The following SETD7 variants were observed in gnomAD, a reference collection of about 807,000 sequenced individuals.
The protein encoded by SETD7 is histone-lysine N-methyltransferase SETD7.
In SETD7, 16 loss-of-function variants were observed where a neutral mutation model predicts 41.8. That is an observed-to-expected ratio of 0.38 (90% CI 0.26 to 0.58). SETD7 has a LOEUF of 0.58. Among genes scored for constraint, SETD7 ranks in the 20% least tolerant of loss-of-function variants. The probability of loss-of-function intolerance (pLI) is 0.64; values close to 1 mark genes in which losing one functional copy is unlikely to be tolerated. For missense variants in SETD7, 346 were observed against 459.7 expected, an observed-to-expected ratio of 0.75 and a Z score of 2.26; for synonymous variants, 163 against 169.7, an observed-to-expected ratio of 0.96 and a Z score of 0.31.
At chr4:139,553,219 A>G (rs1481599000) in intron 1 of SETD7, among the ~76,000 whole-genome samples, 1 of 152,238 alleles carries the variant, frequency 6.6e-6, no homozygotes, top group African/African-American at 2.4e-5. Context: ...CCTGACAGAG[A>G]ACCAAATGCA....
At chr4:139,541,863 T>C (rs1338511971) in intron 2 of SETD7, among the ~76,000 whole-genome samples, 1 of 152,202 alleles carries the variant, frequency 6.6e-6, no homozygotes, top group Non-Finnish European at 1.5e-5. Flanking sequence ...AGGTAAACAA[T>C]GTACATTTTT....
rs11357611 is a variant in SETD7, at chr4:139,522,741, C to CTTTTT, written c.644+608_644+612dup. On this transcript the variant is annotated intron_variant, in intron 5 of 7. Transcript: ENST00000274031. ...CAGCTGGCTGCCTGGCCCAGCTGCT[C>CTTTTT]TTTTTTTTTTTTTTTTTTTTTTTTT... Among the ~76,000 whole-genome samples, 110 of 93,428 alleles carry CTTTTT rather than the reference C, an allele frequency of 1.2e-3. 6 individuals are homozygous for CTTTTT. Among genetic ancestry groups the CTTTTT allele is most frequent in the African/African-American group, 3.1e-3 (70 of 22,664 alleles). The allele number at this position is 93,428 out of a possible 152,430, so 61.3% of individuals were successfully genotyped here. A position where few individuals can be genotyped will look rare whatever the true frequency, so the allele number is the denominator to read the frequency against.
rs1726762690 is a variant in SETD7, at chr4:139,508,211, G to T, written c.*3452C>A. ...TTTCTGGGTGGGTCGTTGGTGATAAGGAAATAGTTTTTCGAGTGTGAAGAA... is the reference window on the plus strand; with the variant it reads ...TTTCTGGGTGGGTCGTTGGTGATAATGAAATAGTTTTTCGAGTGTGAAGAA... On this transcript the variant is annotated 3_prime_UTR_variant, in exon 8 of 8. Coordinates refer to ENST00000274031, the MANE Select transcript of SETD7 (RefSeq NM_030648.4). The T allele has an allele frequency of 6.6e-6, 1 of 152,026 alleles. No individual in the cohort carries two copies. The highest frequency in any genetic ancestry group is 1.5e-5 in the Non-Finnish European group (1 of 68,018). The allele number at this position is 152,026 out of a possible 1,614,324, so 9.4% of individuals were successfully genotyped here. A position where few individuals can be genotyped will look rare whatever the true frequency, so the allele number is the denominator to read the frequency against.
downstream of SETD7, chr4:139,495,837 C>T (rs780639902): frequency 6.6e-6 from 1 of 152,254 alleles, no homozygotes; most frequent in African/African-American, 2.4e-5. Flanking sequence ...GCCAGTGGGG[C>T]CAGAAAATTC....
chr4:139,497,244 T>G (rs1031460062), intron 7 of SETD7, among the ~76,000 whole-genome samples: 2 of 152,044 alleles, frequency 1.3e-5, no homozygotes, highest in African/African-American at 4.8e-5. Flanking sequence ...CACCCAAGGT[T>G]GGGAGTTCCA....
At chr4:139,547,170 G>A in intron 1 of SETD7, 121 bp from the exon 2 acceptor site, 1 of 1,274,950 alleles carries the variant, frequency 7.8e-7, no homozygotes, top group Non-Finnish European at 1.1e-6. Flanking sequence ...CTGCCAAAGG[G>A]TCCCCTCCCT....
intron 1 of SETD7, among the ~76,000 whole-genome samples, chr4:139,550,597 G>A (rs2111177549): frequency 6.6e-6 from 1 of 152,326 alleles, no homozygotes; most frequent in South Asian, 2.1e-4. Flanking sequence ...AAAGAGAAGA[G>A]ACTAGGTTGC....
intron 2 of SETD7, 48 bp from the exon 3 acceptor site, chr4:139,533,414 C>T: frequency 6.6e-7 from 1 of 1,510,614 alleles, no homozygotes; most frequent in South Asian, 1.2e-5. Context: ...CATGACTTGA[C>T]TCTCTTAGAA....
At chr4:139,545,860 G>A (rs1727927820) in intron 2 of SETD7, among the ~76,000 whole-genome samples, 1 of 152,196 alleles carries the variant, frequency 6.6e-6, no homozygotes, top group Non-Finnish European at 1.5e-5. Flanking sequence ...CCTATAACCT[G>A]CTTTGGTGAA....
At chr4:139,511,941 C>A (rs988172770) in intron 7 of SETD7, 98 bp from the exon 8 acceptor site, 8 of 1,489,118 alleles carry the variant, frequency 5.4e-6, no homozygotes, top group Non-Finnish European at 7.1e-6. Context: ...CCCAGGCACT[C>A]TTCCCTGGGC....
intron 2 of SETD7, among the ~76,000 whole-genome samples, chr4:139,544,212 A>C (rs1727863535): frequency 6.6e-6 from 1 of 151,648 alleles, no homozygotes; most frequent in Non-Finnish European, 1.5e-5. Context: ...GGATCACCCG[A>C]GTCCAGGGAG....
chr4:139,504,040 G>C (rs1293584563), downstream of SETD7, among the ~76,000 whole-genome samples: 1 of 152,230 alleles, frequency 6.6e-6, no homozygotes. Context: ...GAGAAAGGCA[G>C]AGTGGAAAGA....
intron 2 of SETD7, 168 bp downstream of exon 2, chr4:139,546,752 C>T (rs1727959786): frequency 3.5e-6 from 3 of 857,656 alleles, no homozygotes; most frequent in Non-Finnish European, 5.5e-6. Context: ...GTCCCATAAC[C>T]ACAGGGTGAC....
intron 2 of SETD7, among the ~76,000 whole-genome samples, chr4:139,540,720 C>T (rs1461129496): frequency 6.6e-6 from 1 of 152,132 alleles, no homozygotes; most frequent in Non-Finnish European, 1.5e-5. Context: ...AAATTTTTGG[C>T]CTCAATCAGA....
chr4:139,553,278 C>G (rs1728163519), intron 1 of SETD7, among the ~76,000 whole-genome samples: 1 of 152,210 alleles, frequency 6.6e-6, no homozygotes, highest in Admixed American at 6.5e-5. Flanking sequence ...CTAATTTCTT[C>G]CCCAGAGTAA....
chr4:139,520,505 C>T (rs534887839), intron 5 of SETD7, 111 bp from the exon 6 acceptor site: 5 of 568,572 alleles, frequency 8.8e-6, no homozygotes, highest in Non-Finnish European at 1.5e-5. Flanking sequence ...CAATTCATAA[C>T]CCAACTAAGA....
chr4:139,556,132 A>C lies in SETD7; in HGVS notation c.6T>G (p.Asp2Glu), dbSNP rs745472228. M[D>E]SDDEMVEEAV... ...CCTCCTCCACCATCTCGTCGTCGCT[A>C]TCCATGGCGGCTGGGGACACTGCCC... is the stretch of plus-strand genomic sequence containing the variant. Residue 2 changes from aspartate to glutamate, a missense_variant, in exon 1 of 8, where the codon GAT (aspartate) becomes GAG (glutamate). Asp to Glu is a conservative substitution (Grantham distance 45). Coordinates refer to ENST00000274031, the MANE Select transcript of SETD7 (RefSeq NM_030648.4). 2.5e-6 allele frequency: 4 copies of C among 1,598,788 alleles called. No homozygotes were observed. The highest frequency in any genetic ancestry group is 3.4e-6 in the Non-Finnish European group (4 of 1,173,322).
At chr4:139,524,281 T>C (rs1191430507) in intron 4 of SETD7, among the ~76,000 whole-genome samples, 1 of 152,152 alleles carries the variant, frequency 6.6e-6, no homozygotes, top group Non-Finnish European at 1.5e-5. Flanking sequence ...AAACTAAAAG[T>C]CAGAAACCAA....
intron 1 of SETD7, among the ~76,000 whole-genome samples, chr4:139,553,644 C>A (rs939188278): frequency 6.6e-6 from 1 of 152,090 alleles, no homozygotes; most frequent in African/African-American, 2.4e-5. Flanking sequence ...ATATTAGTAC[C>A]CACCTCATAA....
Sources: gnomAD v4.1 joint callset for allele counts (sites outside exome capture counted in the v4.1 genomes callset) on GRCh38, gnomAD v4.1.1 for gene constraint, MANE v1.5 for transcripts, NCBI Gene and HGNC (gene_info 2026-07-23, HGNC 2026-07-21) for gene names.